Variants in SNX4 observed in about 807,000 individuals in gnomAD.
SNX4 encodes the protein sorting nexin 4, also known as sorting nexin-4.
A neutral mutation model predicts 70.8 loss-of-function variants in SNX4; 49 were observed. The ratio of observed to expected loss-of-function variants is 0.69; its 90% CI spans 0.55 to 0.88. SNX4 has a LOEUF of 0.88. Among genes scored for constraint, SNX4 ranks in the 40% least tolerant of loss-of-function variants. The probability of loss-of-function intolerance (pLI) is 0.00; values close to 1 mark genes in which losing one functional copy is unlikely to be tolerated. For synonymous variants in SNX4, 206 were observed against 183.8 expected (o/e 1.12, Z -0.98); for missense variants, 528 against 544.8 (o/e 0.97, Z 0.31).
intron 1 of SNX4, among the ~76,000 whole-genome samples, chr3:125,510,511 G>C (rs953153882): frequency 6.6e-6 from 1 of 152,130 alleles, no homozygotes; most frequent in African/African-American, 2.4e-5. Context: ...TTACAGGCGT[G>C]AGCCACCGCG....
intron 10 of SNX4, among the ~76,000 whole-genome samples, chr3:125,458,580 G>A (rs1416160970): frequency 2.0e-5 from 3 of 152,016 alleles, no homozygotes; most frequent in African/African-American, 7.2e-5. Flanking sequence ...ACTTTGGGAG[G>A]CCGAGGCGGG....
intron 12 of SNX4, among the ~76,000 whole-genome samples, chr3:125,452,241 C>T (rs767303240): frequency 2.0e-5 from 3 of 151,768 alleles, no homozygotes; most frequent in Non-Finnish European, 4.4e-5. Flanking sequence ...ATTACAGGCA[C>T]ACGCCACTGC....
chr3:125,494,883 T>C lies in SNX4; in HGVS notation c.597+2458A>G, dbSNP rs141532847. On this transcript the variant is annotated intron_variant, in intron 5 of 13. Coordinates refer to ENST00000251775, the MANE Select transcript of SNX4 (RefSeq NM_003794.4). ...GGTAGGGATTTTGCCTCACGCCAAA[T>C]GTACCCATTCTGCGATGTGTGACTC... Among the ~76,000 whole-genome samples the C allele has an allele frequency of 1.2e-4, 19 of 152,274 alleles. No individual in the cohort carries two copies. In the East Asian group the frequency reaches 3.7e-3, roughly 29 times the overall value.
At chr3:125,459,612 T>C (rs1246970707) in intron 10 of SNX4, among the ~76,000 whole-genome samples, 1 of 152,100 alleles carries the variant, frequency 6.6e-6, no homozygotes. Flanking sequence ...AACTTTTTTG[T>C]AATTTTAGTA....
At chr3:125,490,573 C>G (rs1934635905) in intron 5 of SNX4, among the ~76,000 whole-genome samples, 1 of 146,224 alleles carries the variant, frequency 6.8e-6, no homozygotes, top group Non-Finnish European at 1.5e-5. Context: ...TAACACTCTA[C>G]TAAATAAAAC....
chr3:125,458,084 T>C (rs1933769096), intron 10 of SNX4, among the ~76,000 whole-genome samples: 1 of 152,116 alleles, frequency 6.6e-6, no homozygotes, highest in African/African-American at 2.4e-5. Context: ...GAACTAATGC[T>C]GTAATCTCAC....
intron 1 of SNX4, among the ~76,000 whole-genome samples, chr3:125,507,314 G>T (rs1935070512): frequency 6.6e-6 from 1 of 151,968 alleles, no homozygotes; most frequent in South Asian, 2.1e-4. Flanking sequence ...GAGAGAACTG[G>T]CAAACTAGAA....
chr3:125,479,908 A>C (rs988149834), intron 7 of SNX4, among the ~76,000 whole-genome samples: 29 of 152,166 alleles, frequency 1.9e-4, no homozygotes, highest in Admixed American at 1.0e-3. Flanking sequence ...CCTATAAACT[A>C]TTTCACGGAC....
In SNX4 at chr3:125,453,807, T is replaced by C; in HGVS notation, c.1190+3A>G. 6.2e-7 allele frequency: 1 copy of C among 1,613,828 alleles called. No individual in the cohort carries two copies. Among genetic ancestry groups the C allele is most frequent in the Non-Finnish European group, 8.5e-7 (1 of 1,179,852 alleles). On this transcript the variant is annotated splice_donor_region_variant and intron_variant, in intron 12 of 13. Coordinates refer to ENST00000251775, the MANE Select transcript of SNX4 (RefSeq NM_003794.4). ...GCTTACTTAAACATCGCAGCATCTT[T>C]ACCTGCCTTCCAGATTTTTAGACTT...
rs779920042 is a variant in SNX4 at position 125,491,377 on chromosome 3, GA to G, written c.598-1915del. ...AGGATGAAACTACATAAAACACTAA[GA>G]AAAAAATATTCATTTGTATCTTTTC... On this transcript the variant is annotated intron_variant, in intron 5 of 13. Transcript: ENST00000251775. Among the ~76,000 whole-genome samples, 24 of 152,124 alleles carry G rather than the reference GA, an allele frequency of 1.6e-4. 1 individual carries two copies. In the East Asian group the frequency reaches 4.6e-3, roughly 29 times the overall value.
At chr3:125,508,713 A>T (rs1304746120) in intron 1 of SNX4, among the ~76,000 whole-genome samples, 1 of 152,242 alleles carries the variant, frequency 6.6e-6, no homozygotes, top group Admixed American at 6.5e-5. Context: ...ATAGTCCAGA[A>T]ATAAACCCTC....
In SNX4 at chr3:125,447,833, A is replaced by G. The variant is rs1474673455; in HGVS notation, c.1306-7T>C. 2 of 1,565,968 alleles carry G rather than the reference A, an allele frequency of 1.3e-6. No individual in the cohort carries two copies. The highest frequency in any genetic ancestry group is 1.7e-6 in the Non-Finnish European group (2 of 1,151,290). On this transcript the variant is annotated splice_region_variant and splice_polypyrimidine_tract_variant and intron_variant, in intron 13 of 13. Coordinates refer to ENST00000251775, the MANE Select transcript of SNX4 (RefSeq NM_003794.4). ...TGGTCCAAACTTGAATTCCCTAAAA[A>G]TAAAAATAAAAACTTTAAAATGTGA...
At chr3:125,480,673 A>C (rs1041412629) in intron 6 of SNX4, among the ~76,000 whole-genome samples, 7 of 152,184 alleles carry the variant, frequency 4.6e-5, no homozygotes, top group African/African-American at 1.7e-4. Flanking sequence ...TCTAACCTCA[A>C]TCTTAATTCT....
intron 2 of SNX4, among the ~76,000 whole-genome samples, chr3:125,500,799 C>CAAAAAAAAAAAAAAAAAAAAAAAAAAAAA (rs770336677): frequency 3.4e-5 from 1 of 29,316 alleles, no homozygotes; most frequent in African/African-American, 1.3e-4. Context: ...GACTCCGTCT[C>CAAAAAAAAAAAAAAAAAAAAAAAAAAAAA]AAAAAAAAAA....
intron 11 of SNX4, among the ~76,000 whole-genome samples, chr3:125,455,198 G>A (rs1274062014): frequency 6.6e-6 from 1 of 152,140 alleles, no homozygotes; most frequent in African/African-American, 2.4e-5. Flanking sequence ...GCTGCTAAAG[G>A]TGTCGGGATT....
intron 5 of SNX4, among the ~76,000 whole-genome samples, chr3:125,496,247 T>G (rs1934791709): frequency 6.6e-6 from 1 of 152,122 alleles, no homozygotes; most frequent in Non-Finnish European, 1.5e-5. Context: ...TGAGCCATGA[T>G]CACACCACTG....
At chr3:125,501,619 TAA>T (rs79800894) in intron 2 of SNX4, among the ~76,000 whole-genome samples, 20 of 133,644 alleles carry the variant, frequency 1.5e-4, no homozygotes, top group African/African-American at 1.4e-4. Context: ...GACTCCACCT[TAA>T]AAAAAAAAAA....
intron 6 of SNX4, among the ~76,000 whole-genome samples, chr3:125,482,889 G>A (rs1934446448): frequency 6.6e-6 from 1 of 152,190 alleles, no homozygotes; most frequent in East Asian, 1.9e-4. Flanking sequence ...ATTAAGTAGA[G>A]TACAAATCTC....
chr3:125,474,289 CGTAAG>C (rs1360425088), intron 8 of SNX4, among the ~76,000 whole-genome samples: 2 of 152,014 alleles, frequency 1.3e-5, no homozygotes, highest in African/African-American at 4.8e-5. Context: ...GCTCAGTTGT[CGTAAG>C]ATGTTTTTAT....
Sources: allele counts gnomAD v4.1 joint callset (sites outside exome capture counted in the v4.1 genomes callset), GRCh38; gene constraint gnomAD v4.1.1; transcripts MANE v1.5; gene names NCBI Gene and HGNC (gene_info 2026-07-23, HGNC 2026-07-21).